Variants in PLCD1 observed in about 807,000 individuals in gnomAD.
PLCD1 encodes phospholipase C delta 1.
A neutral mutation model predicts 87.4 loss-of-function variants in PLCD1; 71 were observed. The observed-to-expected ratio is 0.81, with a 90% CI of 0.67 to 0.99. The LOEUF (loss-of-function observed/expected upper bound fraction) is 0.99. Among genes scored for constraint, PLCD1 ranks in the 50% least tolerant of loss-of-function variants. The pLI, the probability that PLCD1 is intolerant of heterozygous loss-of-function variation, is 0.00. For missense variants in PLCD1, 867 were observed against 1,001.5 expected, an observed-to-expected ratio of 0.87 and a Z score of 1.81; for synonymous variants, 348 against 399.2, an observed-to-expected ratio of 0.87 and a Z score of 1.53.
At chr3:38,022,993 G>C (rs1700257001) in intron 1 of PLCD1, among the ~76,000 whole-genome samples, 1 of 152,106 alleles carries the variant, frequency 6.6e-6, no homozygotes. Context: ...CTCCTCCTGT[G>C]GGAGGGTCGT....
At chr3:38,013,208 CTTTTT>C (rs869279889) in intron 3 of PLCD1, among the ~76,000 whole-genome samples, 1 of 118,502 alleles carries the variant, frequency 8.4e-6, no homozygotes, top group Non-Finnish European at 1.8e-5. Context: ...TTTTAATTTT[CTTTTT>C]TTTTTTTTTT....
chr3:38,008,965 G>A, intron 11 of PLCD1, 77 bp downstream of exon 11: 1 of 1,180,878 alleles, frequency 8.5e-7, no homozygotes, highest in Non-Finnish European at 1.3e-6. Context: ...CCACTGCATG[G>A]CCTTCGAGGC....
chr3:38,016,837 C>T lies in PLCD1; in HGVS notation c.200-118G>A, dbSNP rs1460868152. 1.3e-5 allele frequency: 10 copies of T among 777,470 alleles called. No homozygotes were observed. In the East Asian group the frequency reaches 2.7e-4, roughly 21 times the overall value. 48.2% of individuals were successfully genotyped at this position (777,470 alleles called of 1,614,324 possible). A position where few individuals can be genotyped will look rare whatever the true frequency, so the allele number is the denominator to read the frequency against. ...ATGGCTTGGAGACACAGAGCCAGGGCCGGAGCTCAGGCCTTGAGTCCAGAA... is the reference window on the plus strand; with the variant it reads ...ATGGCTTGGAGACACAGAGCCAGGGTCGGAGCTCAGGCCTTGAGTCCAGAA... On this transcript the variant is annotated intron_variant, in intron 2 of 14. Coordinates refer to ENST00000334661, the MANE Select transcript of PLCD1 (RefSeq NM_006225.4).
At chr3:38,019,578 C>G (rs1300260037) in intron 2 of PLCD1, among the ~76,000 whole-genome samples, 3 of 152,142 alleles carry the variant, frequency 2.0e-5, no homozygotes, top group African/African-American at 7.2e-5. Context: ...TTTCTTCTCC[C>G]TGAGGCCTTG....
chr3:38,024,401 GCGGCTC>G lies in PLCD1; in HGVS notation c.35-4055_35-4050del, dbSNP rs753968205. On this transcript the variant is annotated intron_variant, in intron 1 of 14. Transcript: ENST00000334661. The stretch of plus-strand genomic sequence containing the variant: ...GCTCCTGCAGGTAGAGCTCCCTGGA[GCGGCTC>G]CGGCTCCGGATCCCCAGGCACTGCA... 3.7e-6 allele frequency: 6 copies of G among 1,612,664 alleles called. No individual in the cohort carries two copies. In the South Asian group the frequency reaches 6.6e-5, roughly 18 times the overall value.
At position 38,010,494 on chromosome 3, in the gene PLCD1, A is replaced by G; in HGVS notation, c.859T>C (p.Phe287Leu). The change falls in exon 6 of 15, where the codon TTC becomes CTC. Residue 287 changes from phenylalanine (F) to leucine (L), a missense_variant. By Grantham distance (22) the Phe-to-Leu change is conservative (BLOSUM62 0). Transcript: ENST00000334661. ...MYLLSADGSA[F>L]SLAHRRVYQD... Reference sequence around the variant, plus strand: ...TAGACACGGCGGTGTGCCAGGCTGAAGGCGCTGCCGTCAGCCGACAGTAAG... The same window carrying G: ...TAGACACGGCGGTGTGCCAGGCTGAGGGCGCTGCCGTCAGCCGACAGTAAG... 6.2e-7 allele frequency: 1 copy of G among 1,613,864 alleles called. No homozygotes were observed.
chr3:38,021,162 C>T (rs1476419613), intron 1 of PLCD1, among the ~76,000 whole-genome samples: 1 of 152,162 alleles, frequency 6.6e-6, no homozygotes, highest in Non-Finnish European at 1.5e-5. Flanking sequence ...CCACCTCTGA[C>T]TTGAGCCCAC....
chr3:38,024,952 G>T (rs986032194), intron 1 of PLCD1, among the ~76,000 whole-genome samples: 4 of 152,082 alleles, frequency 2.6e-5, no homozygotes, highest in Non-Finnish European at 4.4e-5. Context: ...GCCGGGCCCC[G>T]CGGAGGCGGA....
Position 38,008,306 on chromosome 3 carries a change from T to C in PLCD1, c.1964A>G (p.Lys655Arg). The C allele has an allele frequency of 6.2e-7, 1 of 1,614,228 alleles. No homozygotes were observed. The highest frequency in any genetic ancestry group is 8.5e-7 in the Non-Finnish European group (1 of 1,180,032). The change falls in exon 13 of 15, where the codon AAA becomes AGA. Residue 655 changes from lysine (K) to arginine (R), a missense_variant. By Grantham distance (26) the Lys-to-Arg change is conservative. Transcript: ENST00000334661. ...NKNKNSIVDP[K>R]VTVEIHGVSR... is the part of the protein sequence containing the mutation. ...CACGCCATGGATCTCCACTGTCACT[T>C]TGGGGTCCACAATTGAATTCTTATT...
At chr3:38,008,188 C>T in intron 13 of PLCD1, 25 bp from the exon 14 acceptor site, 1 of 1,613,598 alleles carries the variant, frequency 6.2e-7, no homozygotes, top group Non-Finnish European at 8.5e-7. Context: ...ACCATATCAG[C>T]AGCATGGACA....
chr3:38,013,453 T>C (rs111851776), intron 3 of PLCD1, among the ~76,000 whole-genome samples: 3,295 of 152,268 alleles, frequency 0.022, 62 homozygotes, highest in South Asian at 0.071. Context: ...GACCTGGTGA[T>C]CCACCTGCCT....
chr3:38,024,761 A>G, intron 1 of PLCD1: 1 of 1,325,076 alleles, frequency 7.5e-7, no homozygotes, highest in South Asian at 1.3e-5. Flanking sequence ...GGGGGGAGTC[A>G]GAATACAGGA....
intron 3 of PLCD1, among the ~76,000 whole-genome samples, chr3:38,015,654 A>C (rs558375562): frequency 1.2e-4 from 18 of 152,346 alleles, no homozygotes; most frequent in African/African-American, 4.3e-4. Flanking sequence ...TAATCCATAC[A>C]TGCCAGAAGC....
chr3:38,016,485 G>T lies in PLCD1; in HGVS notation c.428+6C>A. 6.2e-7 allele frequency: 1 copy of T among 1,602,236 alleles called. No individual in the cohort carries two copies. The highest frequency in any genetic ancestry group is 2.2e-5 in the East Asian group (1 of 44,820). ...AGGCCTGGACCCACTGCCACCAAAA[G>T]GATACTGCTGTAGCTTCTGACGCTG... On this transcript the variant is annotated splice_donor_region_variant and intron_variant, in intron 3 of 14. Coordinates refer to ENST00000334661, the MANE Select transcript of PLCD1 (RefSeq NM_006225.4).
rs1289941604 is a variant in PLCD1 at position 38,029,569 on chromosome 3, C to A, written c.-30G>T. ...GACGGGCGGCGCGGCGGGAGGGGCA[C>A]CGCGGGACTCACTTGAGTAGCGACA... On this transcript the variant is annotated 5_prime_UTR_variant, in exon 1 of 15. Coordinates refer to ENST00000334661, the MANE Select transcript of PLCD1 (RefSeq NM_006225.4). The A allele has an allele frequency of 6.5e-7, 1 of 1,534,890 alleles. No individual in the cohort carries two copies. The highest frequency in any genetic ancestry group is 1.2e-5 in the South Asian group (1 of 83,842).
chr3:38,007,916 A>G, intron 14 of PLCD1, 58 bp from the exon 15 acceptor site: 5 of 1,604,946 alleles, frequency 3.1e-6, no homozygotes, highest in Non-Finnish European at 4.3e-6. Flanking sequence ...TCGGCGGCGG[A>G]GGGGGGGTGG....
intron 3 of PLCD1, among the ~76,000 whole-genome samples, chr3:38,012,031 C>CTTTTTTTTTTT (rs763245915): frequency 6.5e-5 from 9 of 137,652 alleles, no homozygotes; most frequent in African/African-American, 1.9e-4. Context: ...TTTTCCTTTT[C>CTTTTTTTTTTT]TTTTTTTTTT....
In PLCD1 at chr3:38,016,687, C is replaced by G. The variant is rs1700161051; in HGVS notation, c.232G>C (p.Gly78Arg). 1.3e-6 allele frequency: 2 copies of G among 1,569,302 alleles called. No individual in the cohort carries two copies. The highest frequency in any genetic ancestry group is 1.7e-6 in the Non-Finnish European group (2 of 1,156,194). The part of the protein sequence containing the change: ...SIEDIQEVRM[G>R]HRTEGLEKFA... The stretch of plus-strand genomic sequence containing the variant: ...TTCTCCAGACCCTCCGTGCGGTGCC[C>G]CATTCGCACCTCCTGAATGTCCTCG... Residue 78 changes from glycine to arginine, a missense_variant, in exon 3 of 15, where the codon GGG becomes CGG. Physicochemically the swap from Gly to Arg is moderately radical, Grantham distance 125. Coordinates refer to ENST00000334661, the MANE Select transcript of PLCD1 (RefSeq NM_006225.4).
Position 38,009,282 on chromosome 3 carries a change from G to A in PLCD1, c.1596C>T (p.Leu532=), listed in dbSNP as rs1025104058. ...SFSENRALRL[L]QESGNGFVRH... ...GGAGCCAGGCCTCACCTGATTCTTG[G>A]AGCAGTCGAAGGGCACGGTTCTCAG... is the stretch of plus-strand genomic sequence containing the variant. The change falls in exon 10 of 15, where the codon CTC becomes CTT. Residue 532 remains leucine, a synonymous_variant. Transcript: ENST00000334661. The A allele has an allele frequency of 2.7e-5, 43 of 1,614,032 alleles. No individual in the cohort carries two copies. The highest frequency in any genetic ancestry group is 3.6e-5 in the Non-Finnish European group (42 of 1,180,030).
Sources: allele counts gnomAD v4.1 joint callset (sites outside exome capture counted in the v4.1 genomes callset), GRCh38; gene constraint gnomAD v4.1.1; transcripts MANE v1.5; gene names NCBI Gene and HGNC (gene_info 2026-07-23, HGNC 2026-07-21).